ODAD2: variants seen among roughly 807,000 people sequenced by gnomAD.
The protein encoded by ODAD2 is outer dynein arm docking complex subunit 2.
ODAD2 carries 89 observed loss-of-function variants against 106.8 expected under a neutral mutation model. The ratio of observed to expected loss-of-function variants is 0.83; its 90% CI spans 0.70 to 0.99. The LOEUF is 0.99. Among genes scored for constraint, ODAD2 ranks in the 50% least tolerant of loss-of-function variants. ODAD2 has a pLI of 0.00. For missense variants in ODAD2, 1,168 were observed against 1,238.5 expected (o/e 0.94, Z 0.85); for synonymous variants, 404 against 436.2 (o/e 0.93, Z 0.92).
intron 8 of ODAD2, among the ~76,000 whole-genome samples, chr10:27,969,978 C>A (rs185878178): frequency 6.6e-6 from 1 of 152,108 alleles, no homozygotes; most frequent in Non-Finnish European, 1.5e-5. Flanking sequence ...TGGTGTCACA[C>A]ACCTGTAATC....
chr10:27,960,894 A>G (rs955452367), intron 10 of ODAD2, among the ~76,000 whole-genome samples: 2 of 152,200 alleles, frequency 1.3e-5, no homozygotes, highest in Non-Finnish European at 2.9e-5. Context: ...TCAATACTTA[A>G]TATCTGACGT....
At chr10:27,923,146 G>A (rs1233769174) in intron 16 of ODAD2, among the ~76,000 whole-genome samples, 1 of 152,070 alleles carries the variant, frequency 6.6e-6, no homozygotes, top group Non-Finnish European at 1.5e-5. Context: ...CGACATTGTT[G>A]AAACTAAACA....
At chr10:27,908,553 C>T (rs767895359) in intron 16 of ODAD2, among the ~76,000 whole-genome samples, 9 of 151,936 alleles carry the variant, frequency 5.9e-5, no homozygotes, top group African/African-American at 1.7e-4. Context: ...GGCTTTGTTT[C>T]GGAAAGGTAT....
intron 16 of ODAD2, among the ~76,000 whole-genome samples, chr10:27,933,959 C>A (rs572145976): frequency 2.0e-5 from 3 of 152,246 alleles, no homozygotes; most frequent in Admixed American, 2.0e-4. Flanking sequence ...CAAATCTTAT[C>A]CTGAATTCCC....
intron 18 of ODAD2, among the ~76,000 whole-genome samples, chr10:27,861,149 A>G (rs908496352): frequency 5.3e-5 from 8 of 152,004 alleles, no homozygotes; most frequent in Non-Finnish European, 1.0e-4. Flanking sequence ...CCGCCACCAC[A>G]CCTGGCTAAT....
chr10:27,904,668 GTTTGT>G (rs1180975060), intron 17 of ODAD2, among the ~76,000 whole-genome samples: 3 of 152,150 alleles, frequency 2.0e-5, no homozygotes, highest in Non-Finnish European at 4.4e-5. Context: ...AGGCTTTATG[GTTTGT>G]TTTAATAGCC....
chr10:27,943,400 A>G (rs1030658864), intron 12 of ODAD2, among the ~76,000 whole-genome samples: 10 of 152,174 alleles, frequency 6.6e-5, no homozygotes, highest in Admixed American at 6.5e-4. Context: ...TGGTAGGTAC[A>G]TCTTTAAAAA....
intron 7 of ODAD2, among the ~76,000 whole-genome samples, chr10:27,973,212 A>AATACATACATAC (rs56390356): frequency 0.077 from 11,417 of 148,284 alleles, 610 homozygotes; most frequent in African/African-American, 0.14. Context: ...TGGTCAAAAT[A>AATACATACATAC]ATACATACAT....
intron 19 of ODAD2, among the ~76,000 whole-genome samples, chr10:27,845,165 C>T (rs1000323947): frequency 2.0e-5 from 3 of 152,040 alleles, no homozygotes; most frequent in Non-Finnish European, 4.4e-5. Context: ...TAAGTGCAGC[C>T]AGAGAGAAAC....
At chr10:27,882,714 C>T (rs766022265) in intron 17 of ODAD2, among the ~76,000 whole-genome samples, 5 of 152,058 alleles carry the variant, frequency 3.3e-5, no homozygotes, top group South Asian at 2.1e-4. Context: ...CTTGCAACCG[C>T]GGAATCTGGG....
At chr10:27,939,263 G>T (rs899523662) in intron 14 of ODAD2, among the ~76,000 whole-genome samples, 4 of 152,022 alleles carry the variant, frequency 2.6e-5, no homozygotes, top group Non-Finnish European at 5.9e-5. Flanking sequence ...TCTATTTTAC[G>T]CTAAGTACAT....
chr10:27,851,127 T>A (rs1239812443), intron 19 of ODAD2, among the ~76,000 whole-genome samples: 2 of 152,064 alleles, frequency 1.3e-5, no homozygotes, highest in African/African-American at 4.8e-5. Flanking sequence ...GAAGGAATAA[T>A]CTTCTAAACT....
chr10:27,880,223 GT>G (rs1036688094), intron 17 of ODAD2, among the ~76,000 whole-genome samples: 1 of 152,186 alleles, frequency 6.6e-6, no homozygotes, highest in African/African-American at 2.4e-5. Context: ...CATTAATCAA[GT>G]TGAACAATTT....
chr10:27,818,802 A>G (rs549184858), intron 19 of ODAD2, among the ~76,000 whole-genome samples: 1 of 152,280 alleles, frequency 6.6e-6, no homozygotes, highest in East Asian at 1.9e-4. Flanking sequence ...AAGAAGTGAA[A>G]TAAAGTCCTA....
intron 19 of ODAD2, among the ~76,000 whole-genome samples, chr10:27,850,444 C>CAA (rs10713871): frequency 2.1e-3 from 186 of 89,320 alleles, no homozygotes; most frequent in African/African-American, 3.9e-3. Flanking sequence ...GACTCCGTCT[C>CAA]AAAAAAAAAA....
At chr10:27,956,538 T>A (rs1181861511) in intron 10 of ODAD2, among the ~76,000 whole-genome samples, 1 of 152,180 alleles carries the variant, frequency 6.6e-6, no homozygotes, top group Non-Finnish European at 1.5e-5. Context: ...AATACGGGCA[T>A]CTTATCCTGT....
At chr10:27,865,416 T>G (rs529796057) in intron 17 of ODAD2, among the ~76,000 whole-genome samples, 26 of 152,240 alleles carry the variant, frequency 1.7e-4, no homozygotes, top group Admixed American at 2.6e-4. Flanking sequence ...CTTTTCTGTC[T>G]GTCTTCCTGT....
intron 2 of ODAD2, among the ~76,000 whole-genome samples, chr10:27,993,671 A>G (rs1385331286): frequency 6.6e-6 from 1 of 152,130 alleles, no homozygotes; most frequent in Non-Finnish European, 1.5e-5. Flanking sequence ...ATAAATAAAT[A>G]AATATGACTT....
At chr10:27,973,337 T>C (rs180673019) in intron 7 of ODAD2, among the ~76,000 whole-genome samples, 1 of 152,236 alleles carries the variant, frequency 6.6e-6, no homozygotes, top group African/African-American at 2.4e-5. Flanking sequence ...GTACCAAAAA[T>C]AAAATAGTTT....
Sources: gnomAD v4.1 joint callset for allele counts (sites outside exome capture counted in the v4.1 genomes callset) on GRCh38, gnomAD v4.1.1 for gene constraint, MANE v1.5 for transcripts, NCBI Gene and HGNC (gene_info 2026-07-23, HGNC 2026-07-21) for gene names.